The following ACOT8 variants were observed in gnomAD, a reference collection of about 807,000 sequenced individuals.
The protein encoded by ACOT8 is acyl-coenzyme A thioesterase 8.
A neutral mutation model predicts 38.4 loss-of-function variants in ACOT8; 31 were observed. The observed-to-expected ratio is 0.81, with a 90% CI of 0.61 to 1.09. The LOEUF (loss-of-function observed/expected upper bound fraction) is 1.09. Among genes scored for constraint, ACOT8 ranks in the 50% least tolerant of loss-of-function variants. The pLI is 0.00. For synonymous variants in ACOT8, 158 were observed against 170.3 expected, an observed-to-expected ratio of 0.93 and a Z score of 0.56; for missense variants, 373 against 421.8, an observed-to-expected ratio of 0.88 and a Z score of 1.01.
At chr20:45,849,742 C>T (rs1173476563) in intron 2 of ACOT8, among the ~76,000 whole-genome samples, 1 of 152,122 alleles carries the variant, frequency 6.6e-6, no homozygotes, top group African/African-American at 2.4e-5. Flanking sequence ...TGAGCCACTG[C>T]GCCCAGCCAA....
rs1568735100 is a variant in ACOT8, at chr20:45,843,938, A to G, written c.647-217T>C. 13 of 998,864 alleles carry G rather than the reference A, an allele frequency of 1.3e-5. No homozygotes were observed. The South Asian group carries it at 2.1e-4, about 16-fold the overall frequency. The allele number at this position is 998,864 out of a possible 1,614,324, so 61.9% of individuals were successfully genotyped here. On this transcript the variant is annotated intron_variant, in intron 4 of 5. Transcript: ENST00000217455. ...GACTGAAATTCAGTCTTCACCACCC[A>G]AGTCTCCCACTCTAGGCCCCAAAAG... is the stretch of plus-strand genomic sequence containing the variant.
At chr20:45,842,193 A>C in intron 5 of ACOT8, 1 of 1,479,238 alleles carries the variant, frequency 6.8e-7, no homozygotes, top group South Asian at 1.4e-5. Flanking sequence ...TGCCCCACAC[A>C]AGGGTGCACT....
At chr20:45,857,150 C>A (rs371525635) in intron 1 of ACOT8, 38 bp downstream of exon 1, 178 of 1,595,148 alleles carry the variant, frequency 1.1e-4, no homozygotes, top group Non-Finnish European at 1.4e-4. Context: ...AAGTTTCTGC[C>A]CTAAAGGAGG....
Position 45,857,226 on chromosome 20 carries a change from G to T in ACOT8, c.90C>A (p.Thr30=). ...CGTCCAGCGGCTCGAGGTTGAGCAC[G>T]GTCGTGACCAAGACGCTACGGAGGT... ...PGDLRSVLVT[T]VLNLEPLDED... is the part of the protein sequence containing the mutation. Residue 30 remains threonine, a synonymous_variant, in exon 1 of 6, where the codon ACC becomes ACA. Coordinates refer to ENST00000217455, the MANE Select transcript of ACOT8 (RefSeq NM_005469.4). The T allele has an allele frequency of 6.2e-7, 1 of 1,613,668 alleles. No homozygotes were observed. The highest frequency in any genetic ancestry group is 1.3e-5 in the African/African-American group (1 of 75,072).
chr20:45,845,835 TTG>T (rs1394175507), intron 3 of ACOT8, among the ~76,000 whole-genome samples: 138 of 148,858 alleles, frequency 9.3e-4, no homozygotes, highest in African/African-American at 3.3e-3. Flanking sequence ...TGGTTTTTTT[TTG>T]TTTTTTTTTT....
rs780483091 is a variant in ACOT8, at chr20:45,844,380, G to A, written c.529C>T (p.Arg177Ter). Reference sequence around the variant, plus strand: ...ATGGGGACCTCCTGAGCAGCAATTCGGTTGAGCGCCAATGGGTACCTCTTT... The same window carrying A: ...ATGGGGACCTCCTGAGCAGCAATTCAGTTGAGCGCCAATGGGTACCTCTTT... ...LQKRYPLALNRIAAQEVPIEI... is the reference protein window; with the variant it reads ...LQKRYPLALN Residue 177 changes from arginine to a stop codon, truncating the protein, a stop_gained, in exon 4 of 6, where the codon CGA becomes TGA. Transcript: ENST00000217455. LOFTEE classifies it high-confidence loss of function. 73 of 1,613,948 alleles carry A rather than the reference G, an allele frequency of 4.5e-5. No individual in the cohort carries two copies. The East Asian group carries it at 4.7e-4, about 10-fold the overall frequency.
chr20:45,852,104 C>T (rs900970678), intron 2 of ACOT8, among the ~76,000 whole-genome samples: 4 of 152,138 alleles, frequency 2.6e-5, no homozygotes, highest in Non-Finnish European at 5.9e-5. Context: ...ATTCTCCTTG[C>T]CTCAGCCTCA....
chr20:45,847,203 C>CT (rs1984738549), intron 3 of ACOT8, among the ~76,000 whole-genome samples: 1 of 151,780 alleles, frequency 6.6e-6, no homozygotes, highest in Non-Finnish European at 1.5e-5. Context: ...GGGCGAGACT[C>CT]TGTCTCAAAA....
chr20:45,853,828 A>C, intron 2 of ACOT8: 1 of 930,246 alleles, frequency 1.1e-6, no homozygotes, highest in Non-Finnish European at 1.5e-6. Flanking sequence ...GACACGGGAC[A>C]GTATGAAAAA....
chr20:45,853,514 GATACTTT>G (rs1439748806), intron 2 of ACOT8: 1 of 161,030 alleles, frequency 6.2e-6, no homozygotes, highest in Admixed American at 6.2e-5. Context: ...CCCTGCACTA[GATACTTT>G]ACTGGCAAAG....
At chr20:45,855,382 CA>C in intron 1 of ACOT8, 90 bp from the exon 2 acceptor site, 2 of 1,500,336 alleles carry the variant, frequency 1.3e-6, no homozygotes, top group Non-Finnish European at 1.8e-6. Context: ...ATCTCTTCAC[CA>C]TATTGGGGTT....
At position 45,853,753 on chromosome 20, in the gene ACOT8, A is replaced by AT. The variant is rs563787777; in HGVS notation, c.262+1405dup. On this transcript the variant is annotated intron_variant, in intron 2 of 5. Transcript: ENST00000217455. ...CCCAAGGTAAGTATTCAAATACTTT[A>AT]TAGCAGTGACTGGGGGCCGAGAAGA... 570 of 381,094 alleles carry AT rather than the reference A, an allele frequency of 1.5e-3. 5 individuals are homozygous for AT. Among genetic ancestry groups the AT allele is most frequent in the African/African-American group, 0.011 (537 of 47,294 alleles). The allele number at this position is 381,094 out of a possible 1,614,324, so 23.6% of individuals were successfully genotyped here. A position where few individuals can be genotyped will look rare whatever the true frequency, so the allele number is the denominator to read the frequency against.
intron 2 of ACOT8, among the ~76,000 whole-genome samples, chr20:45,851,161 T>A (rs1014240012): frequency 2.6e-5 from 4 of 152,126 alleles, no homozygotes; most frequent in African/African-American, 9.7e-5. Context: ...GCAATAAACA[T>A]CACTGTCTGA....
intron 3 of ACOT8, among the ~76,000 whole-genome samples, chr20:45,846,443 CAG>C (rs2145764046): frequency 6.6e-6 from 1 of 152,224 alleles, no homozygotes; most frequent in African/African-American, 2.4e-5. Flanking sequence ...AGTACTGGCT[CAG>C]AGTGGGAAAG....
chr20:45,844,280 C>T lies in ACOT8; in HGVS notation c.629G>A (p.Arg210Gln), dbSNP rs772464570. The T allele has an allele frequency of 1.1e-5, 17 of 1,614,190 alleles. No homozygotes were observed. Among genetic ancestry groups the T allele is most frequent in the Admixed American group, 6.7e-5 (4 of 60,016 alleles). ...RMEPKQMFWVRARGYIGEGDM... is the reference protein window; with the variant it reads ...RMEPKQMFWVQARGYIGEGDM... ...ACTCTTACCAATATAGCCCCGGGCT[C>T]GCACCCAGAACATCTGTTTGGGCTC... is the stretch of plus-strand genomic sequence containing the variant. The change falls in exon 4 of 6, where the codon CGA (arginine) becomes CAA (glutamine). Residue 210 changes from arginine to glutamine, a missense_variant. By Grantham distance (43) the Arg-to-Gln change is conservative. Coordinates refer to ENST00000217455, the MANE Select transcript of ACOT8 (RefSeq NM_005469.4).
At chr20:45,852,102 TGCCTCA>T (rs745307455) in intron 2 of ACOT8, among the ~76,000 whole-genome samples, 8 of 151,986 alleles carry the variant, frequency 5.3e-5, no homozygotes, top group Admixed American at 3.3e-4. Context: ...CAATTCTCCT[TGCCTCA>T]GCCTCAGCCT....
Position 45,848,656 on chromosome 20 carries a change from T to C in ACOT8, c.282A>G (p.Val94=). 2 of 1,609,384 alleles carry C rather than the reference T, an allele frequency of 1.2e-6. No individual in the cohort carries two copies. The highest frequency in any genetic ancestry group is 1.7e-6 in the Non-Finnish European group (2 of 1,177,390). ...TTCGTGTCCGCTCCACTTGGTACAG[T>C]ACTGGCAGCTTCGGGTCCCCTGCAG... ...FVRAGDPKLP[V]LYQVERTRTG... is the part of the protein sequence containing the mutation. Residue 94 remains valine, a synonymous_variant, in exon 3 of 6, where the codon GTA becomes GTG. Coordinates refer to ENST00000217455, the MANE Select transcript of ACOT8 (RefSeq NM_005469.4).
intron 2 of ACOT8, among the ~76,000 whole-genome samples, chr20:45,852,124 T>C (rs1243585580): frequency 6.6e-6 from 1 of 151,894 alleles, no homozygotes; most frequent in Non-Finnish European, 1.5e-5. Flanking sequence ...AGCCTCAGCC[T>C]CCCGAGTAGC....
chr20:45,842,276 C>T (rs991142137), intron 5 of ACOT8: 27 of 1,429,600 alleles, frequency 1.9e-5, no homozygotes, highest in Non-Finnish European at 2.1e-5. Flanking sequence ...ACTCCTCCCA[C>T]AGGAACCCCA....
Sources: allele counts gnomAD v4.1 joint callset (sites outside exome capture counted in the v4.1 genomes callset), GRCh38; gene constraint gnomAD v4.1.1; transcripts MANE v1.5; gene names NCBI Gene and HGNC (gene_info 2026-07-23, HGNC 2026-07-21).